The following CPLANE1 variants were observed in gnomAD, a reference collection of about 807,000 sequenced individuals.
CPLANE1 encodes ciliogenesis and planar polarity effector complex subunit 1.
In CPLANE1, 263 loss-of-function variants were observed where a neutral mutation model predicts 362.5. The observed-to-expected ratio is 0.73, with a 90% CI of 0.66 to 0.80. The LOEUF (loss-of-function observed/expected upper bound fraction) is 0.80. Among genes scored for constraint, CPLANE1 ranks in the 30% least tolerant of loss-of-function variants. The pLI is 0.00. For missense variants in CPLANE1, 3,461 were observed against 3,793.4 expected (o/e 0.91, Z 2.30); for synonymous variants, 1,212 against 1,302.6 (o/e 0.93, Z 1.50).
At chr5:37,218,837 A>G (rs2150329139) in intron 15 of CPLANE1, among the ~76,000 whole-genome samples, 1 of 151,762 alleles carries the variant, frequency 6.6e-6, no homozygotes, top group African/African-American at 2.4e-5. Context: ...AATCCCAGCT[A>G]CTCGGGAGGC....
At chr5:37,078,713 T>C in the CPLANE1 span, among the ~76,000 whole-genome samples, 25 of 140,676 alleles carry the variant, frequency 1.8e-4, 2 homozygotes, top group African/African-American at 2.3e-4. Flanking sequence ...GAAGCATCTG[T>C]TATTTTTTTT....
chr5:37,153,893 A>T lies in CPLANE1; in HGVS notation c.8220T>A (p.Ala2740=). Residue 2740 remains alanine (A), a synonymous_variant, in exon 42 of 53, where the codon GCT becomes GCA. Transcript: ENST00000651892. ...LWKRLQGVSA[A]CPAPSSAAHQ... is the part of the protein sequence containing the mutation. ...GAGCTGCAGAGCTTGGTGCAGGGCAAGCTGCAGAGACACCTTGCAGCCGTT... is the reference window on the plus strand; with the variant it reads ...GAGCTGCAGAGCTTGGTGCAGGGCATGCTGCAGAGACACCTTGCAGCCGTT... 6.2e-7 allele frequency: 1 copy of T among 1,614,136 alleles called. No individual in the cohort carries two copies. The highest frequency in any genetic ancestry group is 8.5e-7 in the Non-Finnish European group (1 of 1,180,020).
chr5:37,191,707 C>A (rs78754499), intron 21 of CPLANE1, among the ~76,000 whole-genome samples: 3 of 152,130 alleles, frequency 2.0e-5, no homozygotes, highest in South Asian at 2.1e-4. Flanking sequence ...CAGTGGCTTA[C>A]GCCTGTAGTC....
the CPLANE1 span, among the ~76,000 whole-genome samples, chr5:37,075,786 T>C: frequency 2.6e-5 from 4 of 152,216 alleles, no homozygotes; most frequent in Non-Finnish European, 5.9e-5. Context: ...GACCTTGCAA[T>C]GCATCTGCTG....
At chr5:37,241,927 G>A (rs559763612) in intron 6 of CPLANE1, among the ~76,000 whole-genome samples, 1 of 152,146 alleles carries the variant, frequency 6.6e-6, no homozygotes, top group Admixed American at 6.6e-5. Context: ...ACCACACTCA[G>A]CCAAGATTTG....
chr5:37,225,981 AT>A (rs998280243), intron 12 of CPLANE1, among the ~76,000 whole-genome samples: 2 of 151,698 alleles, frequency 1.3e-5, no homozygotes, highest in Non-Finnish European at 2.9e-5. Flanking sequence ...AAATCTAACA[AT>A]TTTTTTTGGC....
chr5:37,086,456 G>C, the CPLANE1 span, among the ~76,000 whole-genome samples: 29 of 152,316 alleles, frequency 1.9e-4, no homozygotes, highest in East Asian at 9.6e-4. Context: ...AGGCCAAAAG[G>C]TTTTTGCAAA....
intron 32 of CPLANE1, among the ~76,000 whole-genome samples, chr5:37,171,233 A>G (rs1359545880): frequency 6.6e-6 from 1 of 152,232 alleles, no homozygotes; most frequent in East Asian, 1.9e-4. Context: ...AAGCTTGGGA[A>G]GCACTAGCAT....
intron 50 of CPLANE1, among the ~76,000 whole-genome samples, chr5:37,118,713 T>C (rs1053956387): frequency 1.5e-5 from 2 of 136,090 alleles, no homozygotes; most frequent in African/African-American, 7.3e-5. Context: ...TTAGTTGTTA[T>C]TTTACTTTTT....
At chr5:37,211,136 C>A (rs1378932151) in intron 16 of CPLANE1, 4 of 1,184,124 alleles carry the variant, frequency 3.4e-6, no homozygotes, top group Non-Finnish European at 5.1e-6. Flanking sequence ...ATTTCTTGAA[C>A]AATCCTTTTA....
At chr5:37,188,028 T>C (rs1011222421) in intron 21 of CPLANE1, among the ~76,000 whole-genome samples, 186 bp from the exon 22 acceptor site, 30 of 152,232 alleles carry the variant, frequency 2.0e-4, no homozygotes, top group African/African-American at 6.8e-4. Context: ...GATTGACTTA[T>C]AAGTCACTAA....
chr5:37,213,469 A>T (rs1561625281), intron 16 of CPLANE1, 90 bp downstream of exon 16: 3 of 812,794 alleles, frequency 3.7e-6, no homozygotes, highest in Non-Finnish European at 5.3e-6. Context: ...GAACAGTATC[A>T]TTGAGTAATG....
intron 50 of CPLANE1, among the ~76,000 whole-genome samples, chr5:37,119,862 C>A (rs1466472420): frequency 6.6e-6 from 1 of 151,646 alleles, no homozygotes; most frequent in African/African-American, 2.4e-5. Flanking sequence ...TGGTGGGCGC[C>A]TGTAATCCCA....
intron 44 of CPLANE1, chr5:37,140,108 G>A: frequency 1.1e-6 from 1 of 897,440 alleles, no homozygotes; most frequent in Non-Finnish European, 1.3e-6. Flanking sequence ...TTAACTATAT[G>A]TCTTCAGAGA....
chr5:37,085,812 A>C, the CPLANE1 span: 27 of 1,423,346 alleles, frequency 1.9e-5, no homozygotes, highest in Non-Finnish European at 2.7e-5. Flanking sequence ...ATTGCTGAAG[A>C]GAGAGACAAA....
At chr5:37,078,074 T>A in the CPLANE1 span, among the ~76,000 whole-genome samples, 4 of 152,050 alleles carry the variant, frequency 2.6e-5, no homozygotes, top group Admixed American at 2.6e-4. Context: ...TTTTAAGGGG[T>A]ACATATGCAG....
chr5:37,193,315 C>T (rs1786203135), intron 21 of CPLANE1, among the ~76,000 whole-genome samples: 1 of 152,064 alleles, frequency 6.6e-6, no homozygotes, highest in Non-Finnish European at 1.5e-5. Flanking sequence ...GCTTATACAT[C>T]TCTACTTTGG....
intron 46 of CPLANE1, among the ~76,000 whole-genome samples, chr5:37,126,585 C>A (rs533552861): frequency 6.6e-6 from 1 of 152,336 alleles, no homozygotes; most frequent in Non-Finnish European, 1.5e-5. Flanking sequence ...CATCCTCTCA[C>A]AAGCATTTTC....
intron 43 of CPLANE1, among the ~76,000 whole-genome samples, chr5:37,146,553 T>C (rs1216536117): frequency 4.6e-5 from 7 of 152,180 alleles, no homozygotes; most frequent in Non-Finnish European, 4.4e-5. Flanking sequence ...TTAAGAATTT[T>C]TTAAAGGAGT....
Sources: allele counts gnomAD v4.1 joint callset (sites outside exome capture counted in the v4.1 genomes callset), GRCh38; gene constraint gnomAD v4.1.1; transcripts MANE v1.5; gene names NCBI Gene and HGNC (gene_info 2026-07-23, HGNC 2026-07-21).